Variants in PYGO1 observed in about 807,000 individuals in gnomAD.
PYGO1 encodes pygopus homolog 1.
PYGO1 carries 6 observed loss-of-function variants against 29.5 expected under a neutral mutation model. The ratio of observed to expected loss-of-function variants is 0.20; its 90% CI spans 0.11 to 0.40. The LOEUF (loss-of-function observed/expected upper bound fraction) is 0.40. Among genes scored for constraint, PYGO1 ranks in the 10% least tolerant of loss-of-function variants. The pLI, the probability that PYGO1 is intolerant of heterozygous loss-of-function variation, is 1.00. For missense variants in PYGO1, 515 were observed against 514.9 expected, an observed-to-expected ratio of 1.00 and a Z score of 0.00; for synonymous variants, 186 against 180.5, an observed-to-expected ratio of 1.03 and a Z score of -0.24.
At chr15:55,587,718 C>T in intron 1 of PYGO1, 117 bp downstream of exon 1, 1 of 1,204,220 alleles carries the variant, frequency 8.3e-7, no homozygotes, top group Non-Finnish European at 1.0e-6. Context: ...GCCGGCGGGA[C>T]GCGGGCTGCG....
chr15:55,549,239 C>T (rs1045746838), intron 1 of PYGO1, among the ~76,000 whole-genome samples: 3 of 152,126 alleles, frequency 2.0e-5, no homozygotes, highest in Non-Finnish European at 4.4e-5. Context: ...CTCTCTCACT[C>T]TAAAATCTTT....
chr15:55,587,502 G>A (rs2059052977), intron 1 of PYGO1, among the ~76,000 whole-genome samples: 1 of 151,980 alleles, frequency 6.6e-6, no homozygotes, highest in East Asian at 1.9e-4. Flanking sequence ...CTCTGCCAGG[G>A]GGTGTCTGTT....
chr15:55,543,273 T>G lies in PYGO1; in HGVS notation c.*2750A>C, dbSNP rs550009858. ...TTCAGACAAATTATCATCTGGCTAT[T>G]CTTACAGTTCATCACTTATTCCATC... On this transcript the variant is annotated 3_prime_UTR_variant, in exon 3 of 3. Coordinates refer to ENST00000563719, the MANE Select transcript of PYGO1 (RefSeq NM_001367806.1). 6 of 152,358 alleles carry G rather than the reference T, an allele frequency of 3.9e-5. No individual in the cohort carries two copies. The highest frequency in any genetic ancestry group is 1.4e-4 in the African/African-American group (6 of 41,590). The allele number at this position is 152,358 out of a possible 1,614,324, so 9.4% of individuals were successfully genotyped here. A position where few individuals can be genotyped will look rare whatever the true frequency, so the allele number is the denominator to read the frequency against.
Position 55,548,108 on chromosome 15 carries a change from C to T in PYGO1, c.135+802G>A, listed in dbSNP as rs541804558. 3.8e-3 allele frequency among the ~76,000 whole-genome samples: 583 copies of T among 152,188 alleles called. 6 individuals carry two copies. Among genetic ancestry groups the T allele is most frequent in the African/African-American group, 0.013 (557 of 41,542 alleles). On this transcript the variant is annotated intron_variant, in intron 2 of 2. Coordinates refer to ENST00000563719, the MANE Select transcript of PYGO1 (RefSeq NM_001367806.1). ...GATCTCAGCTCATTGCAACCTCTAC[C>T]TTCCAGGTTCAAGCAATTCTCATGC... is the stretch of plus-strand genomic sequence containing the variant.
chr15:55,547,566 A>G lies in PYGO1; in HGVS notation c.136-419T>C, dbSNP rs543907571. Among the ~76,000 whole-genome samples, 25 of 152,362 alleles carry G rather than the reference A, an allele frequency of 1.6e-4. No individual in the cohort carries two copies. The South Asian group carries it at 5.0e-3, about 30-fold the overall frequency. ...ACAGTCATAAAGTTAAATAACAACA[A>G]TCAGAATCTAAGTTTTTCCCCTAGC... On this transcript the variant is annotated intron_variant, in intron 2 of 2. Transcript: ENST00000563719.
Position 55,544,173 on chromosome 15 carries a change from G to A in PYGO1, c.*1850C>T, listed in dbSNP as rs1321741186. 1 of 152,132 alleles carries A rather than the reference G, an allele frequency of 6.6e-6. No homozygotes were observed. The highest frequency in any genetic ancestry group is 2.4e-5 in the African/African-American group (1 of 41,438). 9.4% of individuals were successfully genotyped at this position (152,132 alleles called of 1,614,324 possible). A position where few individuals can be genotyped will look rare whatever the true frequency, so the allele number is the denominator to read the frequency against. ...AACCTTGTATTACCTTGTACCATAT[G>A]AAATTGCTGTTTTTGTAGGTCAAAA... On this transcript the variant is annotated 3_prime_UTR_variant, in exon 3 of 3. Transcript: ENST00000563719.
At chr15:55,578,278 G>T (rs2059012035) in intron 1 of PYGO1, among the ~76,000 whole-genome samples, 1 of 151,752 alleles carries the variant, frequency 6.6e-6, no homozygotes, top group Non-Finnish European at 1.5e-5. Context: ...CACTTTTGGG[G>T]CTATTATGAA....
chr15:55,587,870 T>A lies in PYGO1; in HGVS notation c.14A>T (p.Gln5Leu), dbSNP rs1400617597. 3 of 1,496,108 alleles carry A rather than the reference T, an allele frequency of 2.0e-6. No homozygotes were observed. The highest frequency in any genetic ancestry group is 2.7e-6 in the Non-Finnish European group (3 of 1,125,678). 92.7% of individuals were successfully genotyped at this position (1,496,108 alleles called of 1,614,324 possible). Residue 5 changes from glutamine (Q) to leucine (L), a missense_variant, in exon 1 of 3, where the codon CAG (glutamine) becomes CTG (leucine). By Grantham distance (113) the Gln-to-Leu change is moderately radical (BLOSUM62 -2). Transcript: ENST00000563719. ...CTTCAGCGAAATGGGATCCTTCTCC[T>A]GTTCTGCTGACATTACAGACCGCAA... MSAE[Q>L]EKDPISLKRV...
At chr15:55,560,081 T>C (rs1053940887) in intron 1 of PYGO1, among the ~76,000 whole-genome samples, 5 of 152,126 alleles carry the variant, frequency 3.3e-5, no homozygotes, top group Non-Finnish European at 5.9e-5. Context: ...ATTATCATAC[T>C]GAATGGGCAA....
chr15:55,560,901 C>T (rs1362364507), intron 1 of PYGO1, among the ~76,000 whole-genome samples: 2 of 152,006 alleles, frequency 1.3e-5, no homozygotes, highest in African/African-American at 2.4e-5. Flanking sequence ...TGCAGTGAGC[C>T]GAGATCATGC....
intron 1 of PYGO1, among the ~76,000 whole-genome samples, chr15:55,571,896 G>A (rs1287038301): frequency 6.6e-6 from 1 of 151,126 alleles, no homozygotes; most frequent in Non-Finnish European, 1.5e-5. Flanking sequence ...GATAATGTGA[G>A]GTAAAAAACA....
intron 1 of PYGO1, among the ~76,000 whole-genome samples, chr15:55,552,278 T>A (rs72746197): frequency 9.7e-4 from 143 of 147,774 alleles, no homozygotes; most frequent in Non-Finnish European, 1.8e-3. Context: ...ATTGCTTGAG[T>A]CTGGGACGCA....
intron 1 of PYGO1, among the ~76,000 whole-genome samples, chr15:55,581,563 C>T (rs1567060555): frequency 6.6e-6 from 1 of 152,040 alleles, no homozygotes; most frequent in Non-Finnish European, 1.5e-5. Flanking sequence ...GATCTTGGGC[C>T]CTAGATTTTG....
rs1346699272 is a variant in PYGO1, at chr15:55,539,521, T to C, written c.*6502A>G. ...CACAAAGCAGTTCATGAATTAATAA[T>C]ACTTCTTTAGACGTCTATGATCTAA... On this transcript the variant is annotated 3_prime_UTR_variant, in exon 3 of 3. Coordinates refer to ENST00000563719, the MANE Select transcript of PYGO1 (RefSeq NM_001367806.1). 1 of 152,102 alleles carries C rather than the reference T, an allele frequency of 6.6e-6. No individual in the cohort carries two copies. Among genetic ancestry groups the C allele is most frequent in the Non-Finnish European group, 1.5e-5 (1 of 67,964 alleles). The allele number at this position is 152,102 out of a possible 1,614,324, so 9.4% of individuals were successfully genotyped here.
At chr15:55,566,627 T>C (rs1313087154) in intron 1 of PYGO1, among the ~76,000 whole-genome samples, 1 of 152,192 alleles carries the variant, frequency 6.6e-6, no homozygotes, top group African/African-American at 2.4e-5. Context: ...GTAGTTCTGT[T>C]TTAATTTATT....
At chr15:55,585,836 A>G (rs1263973588) in intron 1 of PYGO1, among the ~76,000 whole-genome samples, 3 of 152,240 alleles carry the variant, frequency 2.0e-5, no homozygotes, top group Non-Finnish European at 4.4e-5. Flanking sequence ...AATAGTAGGC[A>G]AAATTATACA....
chr15:55,570,648 A>T, intron 1 of PYGO1, among the ~76,000 whole-genome samples: 1 of 152,198 alleles, frequency 6.6e-6, no homozygotes, highest in African/African-American at 2.4e-5. Context: ...AAAAATGTGA[A>T]GATAGTAAAG....
intron 1 of PYGO1, among the ~76,000 whole-genome samples, chr15:55,566,144 T>C (rs2058955448): frequency 6.6e-6 from 1 of 152,140 alleles, no homozygotes; most frequent in Admixed American, 6.5e-5. Context: ...CTGGGTATAT[T>C]GTATGATGCT....
At chr15:55,573,698 A>G (rs1049109462) in intron 1 of PYGO1, among the ~76,000 whole-genome samples, 2 of 152,188 alleles carry the variant, frequency 1.3e-5, no homozygotes, top group African/African-American at 4.8e-5. Context: ...TGTGCAGTCA[A>G]AAGTCCATGT....
Sources: gnomAD v4.1 joint callset for allele counts (sites outside exome capture counted in the v4.1 genomes callset) on GRCh38, gnomAD v4.1.1 for gene constraint, MANE v1.5 for transcripts, NCBI Gene and HGNC (gene_info 2026-07-23, HGNC 2026-07-21) for gene names.